Variants in TOP6BL observed in about 807,000 individuals in gnomAD.
TOP6BL encodes the protein type 2 DNA topoisomerase 6 subunit B-like.
chr11:66,832,360 A>T, the TOP6BL span, among the ~76,000 whole-genome samples: 4 of 152,134 alleles, frequency 2.6e-5, no homozygotes, highest in African/African-American at 9.7e-5. Flanking sequence ...TCGGCCTCCC[A>T]AAGTGCTGGG....
At chr11:66,796,149 A>G in the TOP6BL span, 1 of 635,864 alleles carries the variant, frequency 1.6e-6, no homozygotes, top group African/African-American at 1.8e-5. Flanking sequence ...TCATTCCCAA[A>G]GATGTCTCCC....
chr11:66,765,866 G>A, the TOP6BL span, among the ~76,000 whole-genome samples: 2 of 152,132 alleles, frequency 1.3e-5, no homozygotes, highest in Non-Finnish European at 2.9e-5. Context: ...ACCTCACAAA[G>A]GAAATTGGTG....
the TOP6BL span, among the ~76,000 whole-genome samples, chr11:66,768,668 GTT>G: frequency 1.2e-4 from 14 of 115,388 alleles, no homozygotes; most frequent in Admixed American, 8.4e-5. Context: ...TTTGTTTTTT[GTT>G]TTTTTTTTTT....
the TOP6BL span, among the ~76,000 whole-genome samples, chr11:66,798,491 T>C: frequency 6.6e-6 from 1 of 151,110 alleles, no homozygotes; most frequent in Non-Finnish European, 1.5e-5. Context: ...TCCCATCTAC[T>C]TGAGGGGCTG....
chr11:66,811,762 A>C, the TOP6BL span, among the ~76,000 whole-genome samples: 1 of 152,158 alleles, frequency 6.6e-6, no homozygotes, highest in Non-Finnish European at 1.5e-5. Flanking sequence ...ATAACTTAAA[A>C]AGGAGATAAA....
chr11:66,766,376 A>C, the TOP6BL span, among the ~76,000 whole-genome samples: 2 of 152,208 alleles, frequency 1.3e-5, no homozygotes, highest in African/African-American at 4.8e-5. Flanking sequence ...ATTAATAAGC[A>C]ATGACCATTG....
chr11:66,755,992 T>C, the TOP6BL span, among the ~76,000 whole-genome samples: 1 of 152,236 alleles, frequency 6.6e-6, no homozygotes, highest in Non-Finnish European at 1.5e-5. Context: ...CTGGGGCTAG[T>C]ACTTAAAACT....
the TOP6BL span, chr11:66,744,924 T>C: frequency 9.9e-3 from 12,417 of 1,254,476 alleles, 78 homozygotes; most frequent in South Asian, 0.02. Context: ...TTCGAGGTGA[T>C]GCTGGGAAGG....
chr11:66,806,123 C>A, the TOP6BL span, among the ~76,000 whole-genome samples: 1 of 152,112 alleles, frequency 6.6e-6, no homozygotes, highest in South Asian at 2.1e-4. Context: ...ATTTTAGAGT[C>A]TCAGTTTCCT....
chr11:66,833,754 C>T, the TOP6BL span, among the ~76,000 whole-genome samples: 1 of 152,006 alleles, frequency 6.6e-6, no homozygotes, highest in Non-Finnish European at 1.5e-5. Flanking sequence ...TTGAAACCTG[C>T]CTGGCAAACA....
At chr11:66,770,703 C>T in the TOP6BL span, among the ~76,000 whole-genome samples, 5 of 152,152 alleles carry the variant, frequency 3.3e-5, no homozygotes, top group Non-Finnish European at 4.4e-5. Flanking sequence ...GACTCTATCT[C>T]AAAACAAATG....
At chr11:66,831,988 C>G in the TOP6BL span, among the ~76,000 whole-genome samples, 1 of 101,764 alleles carries the variant, frequency 9.8e-6, no homozygotes, top group Non-Finnish European at 1.9e-5. Flanking sequence ...CAGAGTGAGA[C>G]TCTGTCTCAA....
At chr11:66,758,302 C>CTTTTTTTTTTTTTTTTTTTTTTTTTT in the TOP6BL span, 11 of 67,318 alleles carry the variant, frequency 1.6e-4, 2 homozygotes, top group African/African-American at 2.1e-4. Flanking sequence ...TTTTCTTTTT[C>CTTTTTTTTTTTTTTTTTTTTTTTTTT]TTTTTTTTTT....
At chr11:66,757,421 G>A in the TOP6BL span, among the ~76,000 whole-genome samples, 5 of 152,144 alleles carry the variant, frequency 3.3e-5, no homozygotes, top group Non-Finnish European at 7.3e-5. Context: ...CTTTGGAAGT[G>A]TGTATCATTT....
At chr11:66,802,006 T>G in the TOP6BL span, among the ~76,000 whole-genome samples, 1 of 152,230 alleles carries the variant, frequency 6.6e-6, no homozygotes, top group Non-Finnish European at 1.5e-5. Context: ...AATTAATTTA[T>G]TTTTTCTTTT....
the TOP6BL span, among the ~76,000 whole-genome samples, chr11:66,768,996 C>A: frequency 6.6e-6 from 1 of 152,178 alleles, no homozygotes; most frequent in Non-Finnish European, 1.5e-5. Context: ...TGAACTGTTA[C>A]AATTCCTCAT....
the TOP6BL span, among the ~76,000 whole-genome samples, chr11:66,778,540 G>A: frequency 1.3e-5 from 2 of 152,050 alleles, no homozygotes; most frequent in East Asian, 3.8e-4. Context: ...AAAGTCAGGG[G>A]ACTGGCACTA....
the TOP6BL span, among the ~76,000 whole-genome samples, chr11:66,747,195 C>T: frequency 5.9e-5 from 9 of 152,172 alleles, no homozygotes; most frequent in East Asian, 5.8e-4. Context: ...CTCAACCTCC[C>T]GAAGTGCTGG....
At chr11:66,786,956 G>A in the TOP6BL span, among the ~76,000 whole-genome samples, 1 of 145,248 alleles carries the variant, frequency 6.9e-6, no homozygotes, top group East Asian at 2.0e-4. Context: ...TTTTTGAGAT[G>A]GAGTTTTGCT....
Sources: allele counts gnomAD v4.1 joint callset (sites outside exome capture counted in the v4.1 genomes callset), GRCh38; gene constraint gnomAD v4.1.1; transcripts MANE v1.5; gene names NCBI Gene and HGNC (gene_info 2026-07-23, HGNC 2026-07-21).